ANK1: variants seen among roughly 807,000 people sequenced by gnomAD.
The protein encoded by ANK1 is ankyrin-1.
Under a neutral mutation model 210.4 loss-of-function variants are expected in ANK1, and 51 were observed. The ratio of observed to expected loss-of-function variants is 0.24; its 90% CI spans 0.19 to 0.31. The LOEUF (loss-of-function observed/expected upper bound fraction) is 0.31, where lower values mean the gene tolerates loss of function less well. ANK1 is among the 10% of genes least tolerant of loss of function. The pLI, the probability that ANK1 is intolerant of heterozygous loss-of-function variation, is 1.00. For missense variants in ANK1, 2,051 were observed against 2,504.4 expected, an observed-to-expected ratio of 0.82 and a Z score of 3.86; for synonymous variants, 967 against 1,025.9, an observed-to-expected ratio of 0.94 and a Z score of 1.10.
chr8:41,739,309 A>C (rs546715925), intron 2 of ANK1, among the ~76,000 whole-genome samples: 112 of 152,112 alleles, frequency 7.4e-4, no homozygotes, highest in African/African-American at 2.5e-3. Flanking sequence ...TCAGCATTTC[A>C]TTGAACTTTT....
At chr8:41,778,162 A>G (rs1337596981) in intron 1 of ANK1, among the ~76,000 whole-genome samples, 1 of 152,218 alleles carries the variant, frequency 6.6e-6, no homozygotes, top group African/African-American at 2.4e-5. Flanking sequence ...GGTAGACACA[A>G]AAAAAGTAAA....
intron 1 of ANK1, among the ~76,000 whole-genome samples, chr8:41,767,858 G>A (rs1842199673): frequency 6.6e-6 from 1 of 152,196 alleles, no homozygotes; most frequent in South Asian, 2.1e-4. Context: ...GCCGAGACGT[G>A]GCCGGGGTGA....
chr8:41,711,412 G>GC (rs1430570019), intron 16 of ANK1, among the ~76,000 whole-genome samples: 1 of 152,188 alleles, frequency 6.6e-6, no homozygotes, highest in Non-Finnish European at 1.5e-5. Context: ...GAGTTTAGGC[G>GC]CAACTGACCG....
At chr8:41,655,852 A>C (rs995603060) in intron 42 of ANK1, 99 bp from the exon 43 acceptor site, 18 of 1,375,282 alleles carry the variant, frequency 1.3e-5, no homozygotes, top group Admixed American at 5.3e-5. Flanking sequence ...GCTCAGGCCG[A>C]ATCTGACTCA....
At chr8:41,827,839 GCA>G (rs544612519) in intron 1 of ANK1, among the ~76,000 whole-genome samples, 2 of 133,350 alleles carry the variant, frequency 1.5e-5, no homozygotes, top group Non-Finnish European at 3.2e-5. Flanking sequence ...ACTCACACAT[GCA>G]CACACGCATA....
At chr8:41,859,570 C>T (rs781140296) in intron 1 of ANK1, among the ~76,000 whole-genome samples, 5 of 152,210 alleles carry the variant, frequency 3.3e-5, no homozygotes, top group Non-Finnish European at 7.3e-5. Flanking sequence ...TGGTCTCGGA[C>T]GTCAGGTGAT....
intron 1 of ANK1, among the ~76,000 whole-genome samples, chr8:41,761,234 C>G (rs1279697506): frequency 6.7e-6 from 1 of 149,640 alleles, no homozygotes. Context: ...TGTGTGCACA[C>G]AAATCTACAC....
At chr8:41,834,654 T>A (rs1807286190) in intron 1 of ANK1, among the ~76,000 whole-genome samples, 1 of 152,168 alleles carries the variant, frequency 6.6e-6, no homozygotes, top group South Asian at 2.1e-4. Context: ...GTCACCATAG[T>A]GAGATCCTGA....
At chr8:41,661,790 C>T (rs780997109) in intron 41 of ANK1, 86 bp downstream of exon 41, 11 of 1,613,194 alleles carry the variant, frequency 6.8e-6, no homozygotes, top group East Asian at 4.5e-5. Context: ...GGGCCGCGGG[C>T]GCCTCAGTAC....
At chr8:41,662,104 A>C (rs1199991978) in intron 40 of ANK1, among the ~76,000 whole-genome samples, 163 bp from the exon 41 acceptor site, 1 of 152,142 alleles carries the variant, frequency 6.6e-6, no homozygotes, top group Non-Finnish European at 1.5e-5. Flanking sequence ...TAAAAATACA[A>C]AAATTAGCCC....
intron 1 of ANK1, among the ~76,000 whole-genome samples, chr8:41,895,973 G>A (rs1166436887): frequency 6.6e-6 from 1 of 152,128 alleles, no homozygotes; most frequent in Non-Finnish European, 1.5e-5. Flanking sequence ...AAGCCAGCGG[G>A]TGCGGCGCGC....
intron 1 of ANK1, among the ~76,000 whole-genome samples, chr8:41,872,848 C>T (rs987791130): frequency 1.3e-5 from 2 of 152,256 alleles, no homozygotes; most frequent in African/African-American, 2.4e-5. Context: ...AGAGCACAGC[C>T]GCCCTCGCGA....
chr8:41,849,633 G>A (rs557145212), intron 1 of ANK1, among the ~76,000 whole-genome samples: 22 of 152,092 alleles, frequency 1.4e-4, no homozygotes, highest in Non-Finnish European at 2.2e-4. Context: ...TGATCCCCTC[G>A]GATCCCACCG....
At chr8:41,894,381 A>G (rs1360133667) in intron 1 of ANK1, among the ~76,000 whole-genome samples, 6 of 152,070 alleles carry the variant, frequency 3.9e-5, no homozygotes, top group Non-Finnish European at 2.9e-5. Flanking sequence ...ATTATCATCT[A>G]CCACCAAAAG....
At chr8:41,713,873 G>A (rs55890012) in intron 16 of ANK1, among the ~76,000 whole-genome samples, 3,032 of 152,290 alleles carry the variant, frequency 0.02, 36 homozygotes, top group Non-Finnish European at 0.027. Context: ...CCCAGCTGAC[G>A]TGCAACTGCT....
intron 2 of ANK1, among the ~76,000 whole-genome samples, chr8:41,746,406 A>G (rs1836144043): frequency 6.6e-6 from 1 of 152,190 alleles, no homozygotes; most frequent in South Asian, 2.1e-4. Flanking sequence ...AGAGGACAGC[A>G]CAAACTCAGA....
intron 1 of ANK1, among the ~76,000 whole-genome samples, chr8:41,879,442 A>C (rs2150830374): frequency 6.6e-6 from 1 of 152,372 alleles, no homozygotes; most frequent in Non-Finnish European, 1.5e-5. Flanking sequence ...TCAAATTAAC[A>C]TAATTCAAAC....
At chr8:41,719,962 G>T in intron 9 of ANK1, 104 bp from the exon 10 acceptor site, 1 of 1,330,130 alleles carries the variant, frequency 7.5e-7, no homozygotes, top group Non-Finnish European at 1.1e-6. Flanking sequence ...CCTACACAAT[G>T]TTTCCACAAG....
chr8:41,821,943 C>T (rs958184627), intron 1 of ANK1, among the ~76,000 whole-genome samples: 3 of 151,636 alleles, frequency 2.0e-5, no homozygotes, highest in Admixed American at 6.6e-5. Flanking sequence ...CCAGCTACGC[C>T]GGAGGCTGAG....
Sources: allele counts gnomAD v4.1 joint callset (sites outside exome capture counted in the v4.1 genomes callset), GRCh38; gene constraint gnomAD v4.1.1; transcripts MANE v1.5; gene names NCBI Gene and HGNC (gene_info 2026-07-23, HGNC 2026-07-21).